Variants in ROCK1 observed in about 807,000 individuals in gnomAD.
The protein encoded by ROCK1 is Rho associated coiled-coil containing protein kinase 1, also known as rho-associated protein kinase 1.
Under a neutral mutation model 196.8 loss-of-function variants are expected in ROCK1, and 36 were observed. The observed-to-expected ratio is 0.18, with a 90% CI of 0.14 to 0.24. The LOEUF (loss-of-function observed/expected upper bound fraction) is 0.24. Among genes scored for constraint, ROCK1 ranks in the 10% least tolerant of loss-of-function variants. ROCK1 has a pLI of 1.00. For missense variants in ROCK1, 920 were observed against 1,562.0 expected (o/e 0.59, Z 6.93); for synonymous variants, 443 against 515.9 (o/e 0.86, Z 1.91).
chr18:20,949,351 T>C lies in ROCK1; in HGVS notation c.*2033A>G, dbSNP rs2035160008. On this transcript the variant is annotated 3_prime_UTR_variant, in exon 33 of 33. Transcript: ENST00000399799. ...AAGAGATGAGACCCCTGGGTCAGAG[T>C]CAGATGACTTCATTCACAGCACAGC... 2.6e-5 allele frequency: 4 copies of C among 152,140 alleles called. 1 individual carries two copies. The South Asian group carries it at 8.3e-4, about 31-fold the overall frequency. The allele number at this position is 152,140 out of a possible 1,614,324, so 9.4% of individuals were successfully genotyped here. A position where few individuals can be genotyped will look rare whatever the true frequency, so the allele number is the denominator to read the frequency against.
chr18:20,988,851 T>C (rs1437148211), intron 18 of ROCK1, among the ~76,000 whole-genome samples: 4 of 152,194 alleles, frequency 2.6e-5, no homozygotes, highest in African/African-American at 9.7e-5. Context: ...TATCTGAATG[T>C]AATCTCCGGG....
intron 29 of ROCK1, among the ~76,000 whole-genome samples, chr18:20,955,965 C>T (rs541698531): frequency 6.6e-6 from 1 of 152,226 alleles, no homozygotes; most frequent in African/African-American, 2.4e-5. Flanking sequence ...CTTTTGACTA[C>T]AAAAGGAGTA....
chr18:21,009,092 C>CCATTT (rs2035793272), intron 13 of ROCK1, among the ~76,000 whole-genome samples: 1 of 151,908 alleles, frequency 6.6e-6, no homozygotes, highest in Non-Finnish European at 1.5e-5. Context: ...TAATGGTTCT[C>CCATTT]CATTTCTATA....
At position 20,954,816 on chromosome 18, in the gene ROCK1, C is replaced by A. The variant is rs1251030702; in HGVS notation, c.3820G>T (p.Asp1274Tyr). The A allele has an allele frequency of 5.0e-6, 8 of 1,612,836 alleles. No homozygotes were observed. The South Asian group carries it at 7.7e-5, about 16-fold the overall frequency. ...GGACAAATTAAGTCCTCTTTCTTAT[C>A]TAAGTGATCTCTGTGGCACTTAACA... ...CHVKCHRDHL[D>Y]KKEDLICPCK... Residue 1274 changes from aspartate (D) to tyrosine (Y), a missense_variant, in exon 31 of 33, where the codon GAT becomes TAT. Asp to Tyr is a radical substitution (Grantham distance 160, BLOSUM62 -3). Around this residue, in one of 6 missense-constraint regions of ROCK1, gnomAD observed 49 missense variants for 180.4 expected, o/e 0.27. Transcript: ENST00000399799.
At chr18:21,009,345 A>G (rs1468509803) in intron 13 of ROCK1, among the ~76,000 whole-genome samples, 1 of 151,350 alleles carries the variant, frequency 6.6e-6, no homozygotes, top group Non-Finnish European at 1.5e-5. Flanking sequence ...AACTCAACAT[A>G]AAGACCTTAA....
chr18:20,982,786 G>C lies in ROCK1; in HGVS notation c.2536C>G (p.Leu846Val), dbSNP rs1022423583. 6.3e-7 allele frequency: 1 copy of C among 1,576,492 alleles called. No individual in the cohort carries two copies. Among genetic ancestry groups the C allele is most frequent in the Non-Finnish European group, 8.7e-7 (1 of 1,147,110 alleles). The change falls in exon 21 of 33, where the codon CTT becomes GTT. Residue 846 changes from leucine to valine, a missense_variant. By Grantham distance (32) the Leu-to-Val change is conservative (BLOSUM62 1). Around this residue, in one of 6 missense-constraint regions of ROCK1, gnomAD observed 520 missense variants for 657.1 expected, o/e 0.79. Coordinates refer to ENST00000399799, the MANE Select transcript of ROCK1 (RefSeq NM_005406.3). ...EGQMRELQDQ[L>V]EAEQYFSTLY... The stretch of plus-strand genomic sequence containing the variant: ...ACCGAGAAATATTGCTCAGCTTCAA[G>C]CTGATCTTGTAGCTCCCGCATCTGT...
chr18:20,990,539 CA>C (rs1374365796), intron 18 of ROCK1, among the ~76,000 whole-genome samples: 2 of 150,660 alleles, frequency 1.3e-5, no homozygotes, highest in African/African-American at 4.9e-5. Flanking sequence ...ACTAAAAATA[CA>C]AAAATTAGCC....
At chr18:20,991,543 G>A (rs2035626151) in intron 17 of ROCK1, among the ~76,000 whole-genome samples, 1 of 152,122 alleles carries the variant, frequency 6.6e-6, no homozygotes, top group African/African-American at 2.4e-5. Context: ...TGTGCTGGTG[G>A]TTATGTTCAG....
chr18:21,082,259 A>C (rs1490053102), intron 1 of ROCK1, among the ~76,000 whole-genome samples: 3 of 152,140 alleles, frequency 2.0e-5, no homozygotes, highest in African/African-American at 7.2e-5. Flanking sequence ...CAAACGTTTA[A>C]AGAAGAATTA....
intron 1 of ROCK1, among the ~76,000 whole-genome samples, chr18:21,094,620 G>A (rs1485876059): frequency 9.3e-5 from 14 of 150,934 alleles, no homozygotes; most frequent in African/African-American, 1.7e-4. Flanking sequence ...ATGGTGGCAC[G>A]CACCTGTAGT....
chr18:20,994,976 C>T (rs1306769176), intron 16 of ROCK1, among the ~76,000 whole-genome samples: 4 of 151,988 alleles, frequency 2.6e-5, no homozygotes, highest in Admixed American at 6.6e-5. Flanking sequence ...AAGACTTTTT[C>T]GATAGGCCAC....
intron 1 of ROCK1, among the ~76,000 whole-genome samples, chr18:21,086,129 T>G (rs1051213257): frequency 3.8e-5 from 4 of 105,150 alleles, no homozygotes; most frequent in Non-Finnish European, 8.1e-5. Context: ...TTTTTTTTTT[T>G]GAGACTGAGT....
intron 16 of ROCK1, among the ~76,000 whole-genome samples, chr18:20,998,597 CTTTT>C (rs541265477): frequency 2.1e-5 from 2 of 97,314 alleles, no homozygotes. Flanking sequence ...TTTTACCAAA[CTTTT>C]TTTTTTTTTT....
At chr18:20,961,851 T>G (rs2035330672) in intron 27 of ROCK1, among the ~76,000 whole-genome samples, 1 of 149,242 alleles carries the variant, frequency 6.7e-6, no homozygotes, top group Non-Finnish European at 1.5e-5. Context: ...ACATGAAGTC[T>G]TGTTACGTTG....
chr18:21,013,904 A>T (rs920466446), intron 13 of ROCK1, among the ~76,000 whole-genome samples: 7 of 151,996 alleles, frequency 4.6e-5, no homozygotes, highest in Admixed American at 1.3e-4. Flanking sequence ...TACTAAAAAA[A>T]ATATATAAAA....
intron 1 of ROCK1, among the ~76,000 whole-genome samples, chr18:21,104,067 G>C (rs1270669600): frequency 6.6e-6 from 1 of 152,214 alleles, no homozygotes; most frequent in African/African-American, 2.4e-5. Context: ...GAGGAATGGA[G>C]AAGTAGAGCT....
At chr18:20,962,964 ACCT>A in intron 27 of ROCK1, among the ~76,000 whole-genome samples, 1 of 152,028 alleles carries the variant, frequency 6.6e-6, no homozygotes, top group South Asian at 2.1e-4. Flanking sequence ...ATATATAAAG[ACCT>A]CCTCTAAAAT....
In ROCK1 at chr18:20,973,482, T is replaced by C. The variant is rs768486263; in HGVS notation, c.2655-2969A>G. Among the ~76,000 whole-genome samples the C allele has an allele frequency of 2.0e-5, 3 of 151,834 alleles. No individual in the cohort carries two copies. The East Asian group carries it at 5.9e-4, about 30-fold the overall frequency. Reference sequence around the variant, plus strand: ...TAGTAGAGACGGGGTTTCACCGTGTTAGCCAGGCTGGTAGCGAACTCTTGA... The same window carrying C: ...TAGTAGAGACGGGGTTTCACCGTGTCAGCCAGGCTGGTAGCGAACTCTTGA... On this transcript the variant is annotated intron_variant, in intron 22 of 32. Transcript: ENST00000399799.
intron 1 of ROCK1, among the ~76,000 whole-genome samples, chr18:21,078,696 T>G (rs899971283): frequency 3.3e-5 from 5 of 152,160 alleles, no homozygotes; most frequent in Non-Finnish European, 7.3e-5. Flanking sequence ...GGGCATTCCT[T>G]CTTAAAATGC....
Sources: gnomAD v4.1 joint callset for allele counts (sites outside exome capture counted in the v4.1 genomes callset) on GRCh38, gnomAD v4.1.1 for gene constraint, gnomAD v4.1.1 regional missense constraint, MANE v1.5 for transcripts, NCBI Gene and HGNC (gene_info 2026-07-23, HGNC 2026-07-21) for gene names.